NOP9: variants seen among roughly 807,000 people sequenced by gnomAD.
NOP9 encodes NOP9 nucleolar protein.
A neutral mutation model predicts 63.0 loss-of-function variants in NOP9; 50 were observed. The ratio of observed to expected loss-of-function variants is 0.79; its 90% CI spans 0.63 to 1.00. NOP9 has a LOEUF of 1.00. NOP9 is among the 50% of genes least tolerant of loss of function. NOP9 has a pLI of 0.00. For missense variants in NOP9, 758 were observed against 803.0 expected (o/e 0.94, Z 0.68); for synonymous variants, 343 against 332.8 (o/e 1.03, Z -0.33).
Position 24,303,775 on chromosome 14 carries a change from T to TAA in NOP9, c.1328_1329insAA (p.Pro444SerfsTer7). 6.2e-7 allele frequency: 1 copy of TAA among 1,614,130 alleles called. No individual in the cohort carries two copies. The highest frequency in any genetic ancestry group is 8.5e-7 in the Non-Finnish European group (1 of 1,179,950). On this transcript the variant is annotated frameshift_variant, in exon 7 of 10. Coordinates refer to ENST00000267425, the MANE Select transcript of NOP9 (RefSeq NM_174913.3). LOFTEE classifies it high-confidence loss of function. ...CCCTCATCCCGGCAAGTGGCCTGTG[T>TAA]GCCTCTCTTTGCCACTTTGATGGCT...
At chr14:24,272,327 G>A in the NOP9 span, among the ~76,000 whole-genome samples, 6 of 152,158 alleles carry the variant, frequency 3.9e-5, no homozygotes, top group Non-Finnish European at 7.3e-5. Flanking sequence ...ATATCACCTG[G>A]TGTCCCAGAG....
At chr14:24,299,050 A>G (rs1027868017), upstream of NOP9, 1 of 1,614,126 alleles carries the variant, frequency 6.2e-7, no homozygotes, top group Non-Finnish European at 8.5e-7. Flanking sequence ...TGCCACGGCC[A>G]ATACCCCTGG....
At position 24,305,608 on chromosome 14, in the gene NOP9, T is replaced by G; in HGVS notation, c.*513T>G. ...TTTGCAGTGGGTCGGTTGGAATGAT[T>G]CTGGGGGCAGAAGCTCAGAGCCCCT... On this transcript the variant is annotated 3_prime_UTR_variant, in exon 10 of 10. Coordinates refer to ENST00000267425, the MANE Select transcript of NOP9 (RefSeq NM_174913.3). 6.2e-7 allele frequency: 1 copy of G among 1,603,264 alleles called. No individual in the cohort carries two copies. The highest frequency in any genetic ancestry group is 1.1e-5 in the South Asian group (1 of 89,472).
upstream of NOP9, among the ~76,000 whole-genome samples, chr14:24,295,305 T>G (rs2041231239): frequency 6.6e-6 from 1 of 152,186 alleles, no homozygotes; most frequent in Non-Finnish European, 1.5e-5. Flanking sequence ...GTCTTCAGAT[T>G]TTTTCCATAT....
chr14:24,287,751 C>G, the NOP9 span, among the ~76,000 whole-genome samples: 1 of 152,242 alleles, frequency 6.6e-6, no homozygotes, highest in East Asian at 1.9e-4. Context: ...AGTCTCGCCC[C>G]CTTCCTCAGT....
At chr14:24,278,918 C>T in the NOP9 span, among the ~76,000 whole-genome samples, 2 of 152,156 alleles carry the variant, frequency 1.3e-5, no homozygotes, top group Non-Finnish European at 2.9e-5. Flanking sequence ...CATGAAGATA[C>T]TGAACTGGGA....
Position 24,307,938 on chromosome 14 carries a change from G to T in NOP9, c.*2843G>T. 1 of 1,296,198 alleles carries T rather than the reference G, an allele frequency of 7.7e-7. No homozygotes were observed. The highest frequency in any genetic ancestry group is 1.1e-6 in the Non-Finnish European group (1 of 914,390). 80.3% of individuals were successfully genotyped at this position (1,296,198 alleles called of 1,614,324 possible). A position where few individuals can be genotyped will look rare whatever the true frequency, so the allele number is the denominator to read the frequency against. On this transcript the variant is annotated 3_prime_UTR_variant, in exon 10 of 10. Transcript: ENST00000267425. ...TGCTGGGGCTTTAGTGGTGTTTTCT[G>T]TTACAAACCTGGGATCTCAGCCCAG... is the stretch of plus-strand genomic sequence containing the variant.
In NOP9 at chr14:24,304,177, C is replaced by A; in HGVS notation, c.1547C>A (p.Ser516Tyr). 6.2e-7 allele frequency: 1 copy of A among 1,614,256 alleles called. No individual in the cohort carries two copies. The highest frequency in any genetic ancestry group is 8.5e-7 in the Non-Finnish European group (1 of 1,180,044). Reference sequence around the variant, plus strand: ...GCCTTGACGGGACCACAGCTTCTGTCCCTTGCCCAAAGTCCCGCTGGCTCT... The same window carrying A: ...GCCTTGACGGGACCACAGCTTCTGTACCTTGCCCAAAGTCCCGCTGGCTCT... ...LGALTGPQLL[S>Y]LAQSPAGSHV... The change falls in exon 8 of 10, where the codon TCC (serine) becomes TAC (tyrosine). Residue 516 changes from serine to tyrosine, a missense_variant. Ser to Tyr is a moderately radical substitution (Grantham distance 144). Coordinates refer to ENST00000267425, the MANE Select transcript of NOP9 (RefSeq NM_174913.3).
In NOP9 at chr14:24,307,290, G is replaced by A. The variant is rs2041540971; in HGVS notation, c.*2195G>A. 2.7e-6 allele frequency: 4 copies of A among 1,471,706 alleles called. No homozygotes were observed. The highest frequency in any genetic ancestry group is 3.7e-6 in the Non-Finnish European group (4 of 1,076,906). The allele number at this position is 1,471,706 out of a possible 1,614,324, so 91.2% of individuals were successfully genotyped here. A position where few individuals can be genotyped will look rare whatever the true frequency, so the allele number is the denominator to read the frequency against. ...GGCAGCTGTGTGACTTCAGCCCTCT[G>A]CTCCATCATCACAAGTTGCCACTGT... On this transcript the variant is annotated 3_prime_UTR_variant, in exon 10 of 10. Transcript: ENST00000267425.
rs375332896 is a variant in NOP9, at chr14:24,304,033, G to T, written c.1411-8G>T. 8 of 1,612,312 alleles carry T rather than the reference G, an allele frequency of 5.0e-6. No individual in the cohort carries two copies. The African/African-American group carries it at 8.0e-5, about 16-fold the overall frequency. On this transcript the variant is annotated splice_polypyrimidine_tract_variant and splice_region_variant and intron_variant, in intron 7 of 9. Coordinates refer to ENST00000267425, the MANE Select transcript of NOP9 (RefSeq NM_174913.3). ...GTGCCTCCTAATTTCTTATCTCTGC[G>T]CTGCCAGGTGGCAATGGCCGCAGCC...
In NOP9 at chr14:24,305,288, C is replaced by G. The variant is rs540237841; in HGVS notation, c.*193C>G. ...AGGTAAAGTCAGAGAGGGCTGTCAT[C>G]AGTATGCTGGGGAGTTTAGGGACAG... On this transcript the variant is annotated 3_prime_UTR_variant, in exon 10 of 10. Transcript: ENST00000267425. 53 of 622,760 alleles carry G rather than the reference C, an allele frequency of 8.5e-5. No homozygotes were observed. The Admixed American group carries it at 1.6e-3, about 19-fold the overall frequency. 38.6% of individuals were successfully genotyped at this position (622,760 alleles called of 1,614,324 possible).
upstream of NOP9, chr14:24,299,265 T>A: frequency 2.9e-5 from 23 of 793,676 alleles, no homozygotes; most frequent in Non-Finnish European, 4.4e-5. Flanking sequence ...GGGAGAGGAG[T>A]CAGAGGCTGA....
chr14:24,275,446 G>C, the NOP9 span, among the ~76,000 whole-genome samples: 1 of 152,186 alleles, frequency 6.6e-6, no homozygotes, highest in African/African-American at 2.4e-5. Flanking sequence ...GAATTGAGTC[G>C]GCTGTATAGG....
At chr14:24,280,365 A>G in the NOP9 span, among the ~76,000 whole-genome samples, 1 of 152,162 alleles carries the variant, frequency 6.6e-6, no homozygotes, top group Admixed American at 6.5e-5. Context: ...GTAGGTGAGC[A>G]GAAGCCCTGG....
Position 24,300,857 on chromosome 14 carries a change from G to A in NOP9, c.697G>A (p.Glu233Lys). 6.2e-7 allele frequency: 1 copy of A among 1,609,682 alleles called. No homozygotes were observed. Among genetic ancestry groups the A allele is most frequent in the African/African-American group, 1.3e-5 (1 of 74,876 alleles). ...CAGGCCCCGTGGTTCCCAATCATCT[G>A]GTAAGTATTACAAGAGGAAAGTGGA... The part of the protein sequence containing the change: ...RARPRGSQSS[E>K]AQKTPAQECK... Residue 233 changes from glutamate to lysine, a missense_variant and splice_region_variant, in exon 2 of 10, where the codon GAA (glutamate) becomes AAA (lysine). Glu to Lys is a moderately conservative substitution (Grantham distance 56). Transcript: ENST00000267425.
chr14:24,305,115 G>C lies in NOP9; in HGVS notation c.*20G>C. 6.9e-7 allele frequency: 1 copy of C among 1,448,924 alleles called. No individual in the cohort carries two copies. The highest frequency in any genetic ancestry group is 9.2e-7 in the Non-Finnish European group (1 of 1,090,812). 89.8% of individuals were successfully genotyped at this position (1,448,924 alleles called of 1,614,324 possible). ...GACTGAGGCTTTGGATCTGGGACTG[G>C]GTGTTGATGGGGGAGGGCAAAATGG... is the stretch of plus-strand genomic sequence containing the variant. On this transcript the variant is annotated 3_prime_UTR_variant, in exon 10 of 10. Transcript: ENST00000267425.
chr14:24,277,733 T>G, the NOP9 span, among the ~76,000 whole-genome samples: 2 of 152,286 alleles, frequency 1.3e-5, no homozygotes, highest in East Asian at 3.9e-4. Flanking sequence ...CATGCTTTGC[T>G]GGAGCCGGCC....
chr14:24,304,242 C>G lies in NOP9; in HGVS notation c.1612C>G (p.Arg538Gly), dbSNP rs202142041. 1 of 1,614,074 alleles carries G rather than the reference C, an allele frequency of 6.2e-7. No individual in the cohort carries two copies. The highest frequency in any genetic ancestry group is 8.5e-7 in the Non-Finnish European group (1 of 1,180,016). ...CATCCTGACCAGCCCCTCTGTGACG[C>G]GCAAGCTGCGCCGCCGTGTGCTGCA... ...DAILTSPSVT[R>G]KLRRRVLQNL... is the part of the protein sequence containing the mutation. Residue 538 changes from arginine to glycine, a missense_variant, in exon 8 of 10, where the codon CGC becomes GGC. Physicochemically the swap from Arg to Gly is moderately radical, Grantham distance 125. Coordinates refer to ENST00000267425, the MANE Select transcript of NOP9 (RefSeq NM_174913.3).
At chr14:24,296,774 T>C (rs1396722276), upstream of NOP9, 2 of 1,614,108 alleles carry the variant, frequency 1.2e-6, no homozygotes, top group East Asian at 2.2e-5. Context: ...CCAGCACATC[T>C]AGACGCCCTT....
Sources: gnomAD v4.1 joint callset for allele counts (sites outside exome capture counted in the v4.1 genomes callset) on GRCh38, gnomAD v4.1.1 for gene constraint, MANE v1.5 for transcripts, NCBI Gene and HGNC (gene_info 2026-07-23, HGNC 2026-07-21) for gene names.